TMEM120B: variants seen among roughly 807,000 people sequenced by gnomAD.
The protein encoded by TMEM120B is transmembrane protein 120B.
In TMEM120B, 31 loss-of-function variants were observed where a neutral mutation model predicts 55.5. The ratio of observed to expected loss-of-function variants is 0.56; its 90% CI spans 0.42 to 0.75. TMEM120B has a LOEUF of 0.75. Among genes scored for constraint, TMEM120B ranks in the 30% least tolerant of loss-of-function variants. TMEM120B has a pLI of 0.00. For missense variants in TMEM120B, 399 were observed against 425.5 expected (o/e 0.94, Z 0.55); for synonymous variants, 203 against 176.3 (o/e 1.15, Z -1.20).
At chr12:121,763,546 G>C (rs772383735) in intron 6 of TMEM120B, among the ~76,000 whole-genome samples, 1 of 152,134 alleles carries the variant, frequency 6.6e-6, no homozygotes, top group African/African-American at 2.4e-5. Flanking sequence ...CAGTTGAAGC[G>C]ATTCTTCTGT....
chr12:121,721,631 C>T (rs1894790187), intron 1 of TMEM120B, among the ~76,000 whole-genome samples: 1 of 151,698 alleles, frequency 6.6e-6, no homozygotes, highest in African/African-American at 2.4e-5. Flanking sequence ...ACCACCACGC[C>T]CAGCTAATTT....
intron 5 of TMEM120B, among the ~76,000 whole-genome samples, chr12:121,754,711 C>A (rs767910754): frequency 6.6e-6 from 1 of 152,330 alleles, no homozygotes; most frequent in African/African-American, 2.4e-5. Flanking sequence ...AGTATGACCT[C>A]ATTTGAACTA....
chr12:121,737,167 C>T (rs1895131883), intron 1 of TMEM120B, among the ~76,000 whole-genome samples: 1 of 152,076 alleles, frequency 6.6e-6, no homozygotes, highest in Non-Finnish European at 1.5e-5. Flanking sequence ...GAGGCACTGC[C>T]TCTCTATGTG....
chr12:121,736,119 A>G (rs2137079005), intron 1 of TMEM120B, among the ~76,000 whole-genome samples: 1 of 152,204 alleles, frequency 6.6e-6, no homozygotes, highest in South Asian at 2.1e-4. Context: ...AAGCTTACCT[A>G]GCTTCAGCAA....
At chr12:121,772,138 T>C (rs1437373799) in intron 8 of TMEM120B, among the ~76,000 whole-genome samples, 1 of 151,736 alleles carries the variant, frequency 6.6e-6, no homozygotes, top group East Asian at 1.9e-4. Flanking sequence ...TCTCTTTCTT[T>C]CTTTCTTTCT....
chr12:121,750,917 A>C (rs1592938370), intron 4 of TMEM120B, among the ~76,000 whole-genome samples: 3 of 34,086 alleles, frequency 8.8e-5, no homozygotes, highest in African/African-American at 1.1e-4. Flanking sequence ...CCCACACCCC[A>C]CACCCACACC....
At chr12:121,769,923 A>T (rs1265317405) in intron 6 of TMEM120B, among the ~76,000 whole-genome samples, 1 of 152,064 alleles carries the variant, frequency 6.6e-6, no homozygotes, top group African/African-American at 2.4e-5. Flanking sequence ...GAAGGAGGTG[A>T]AGTGGGGCAG....
At chr12:121,767,819 T>C (rs1236533749) in intron 6 of TMEM120B, among the ~76,000 whole-genome samples, 1 of 152,192 alleles carries the variant, frequency 6.6e-6, no homozygotes, top group Non-Finnish European at 1.5e-5. Context: ...AGAGCTGGGC[T>C]CTGGGCACGG....
At chr12:121,751,011 C>T (rs2137200719) in intron 4 of TMEM120B, among the ~76,000 whole-genome samples, 2 of 78,476 alleles carry the variant, frequency 2.5e-5, no homozygotes, top group East Asian at 5.1e-4. Flanking sequence ...CATATTCACA[C>T]CCCACACCCA....
chr12:121,746,290 C>A lies in TMEM120B; in HGVS notation c.189-2036C>A, dbSNP rs145385958. Among the ~76,000 whole-genome samples, 192 of 149,332 alleles carry A rather than the reference C, an allele frequency of 1.3e-3. 1 individual carries two copies. The East Asian group carries it at 0.034, about 27-fold the overall frequency. On this transcript the variant is annotated intron_variant, in intron 2 of 11. Transcript: ENST00000449592. ...GCAACCTCTGCCTCCCGGGTTCAAG[C>A]GATTCTCCTGCCTCAGCCTCCCGAG...
chr12:121,727,364 C>T (rs946408581), intron 1 of TMEM120B, among the ~76,000 whole-genome samples: 2 of 150,932 alleles, frequency 1.3e-5, no homozygotes, highest in Non-Finnish European at 3.0e-5. Context: ...AATGAGACCC[C>T]GTCTCTGCAA....
chr12:121,720,241 G>A (rs867726141), intron 1 of TMEM120B, among the ~76,000 whole-genome samples: 4 of 152,062 alleles, frequency 2.6e-5, no homozygotes, highest in Non-Finnish European at 5.9e-5. Flanking sequence ...CCCACTTACC[G>A]CTCCCGTAAC....
At chr12:121,757,932 C>T (rs1207148959) in intron 5 of TMEM120B, among the ~76,000 whole-genome samples, 2 of 152,200 alleles carry the variant, frequency 1.3e-5, no homozygotes, top group South Asian at 2.1e-4. Flanking sequence ...GAATTATAGG[C>T]GCAAGCCACT....
At chr12:121,771,143 G>A (rs1052243050) in intron 7 of TMEM120B, among the ~76,000 whole-genome samples, 171 bp downstream of exon 7, 5 of 151,164 alleles carry the variant, frequency 3.3e-5, no homozygotes, top group South Asian at 2.2e-4. Flanking sequence ...CACCCAGCCC[G>A]TGAGGGGTTC....
At chr12:121,716,370 G>A (rs568777557) in intron 1 of TMEM120B, among the ~76,000 whole-genome samples, 1 of 151,472 alleles carries the variant, frequency 6.6e-6, no homozygotes, top group South Asian at 2.1e-4. Context: ...AGGTAGGTGG[G>A]CACACTGAAC....
At chr12:121,727,275 C>T (rs964170612) in intron 1 of TMEM120B, among the ~76,000 whole-genome samples, 3 of 152,004 alleles carry the variant, frequency 2.0e-5, no homozygotes, top group Non-Finnish European at 2.9e-5. Context: ...ATGGCTCATG[C>T]CTGTCATCCC....
At chr12:121,721,804 C>CT (rs56702857) in intron 1 of TMEM120B, among the ~76,000 whole-genome samples, 3,773 of 91,754 alleles carry the variant, frequency 0.041, 411 homozygotes, top group African/African-American at 0.15. Flanking sequence ...ATCAGTTCTA[C>CT]TTTTTTTTTT....
Position 121,781,005 on chromosome 12 carries a change from C to G in TMEM120B, c.*5283C>G. On this transcript the variant is annotated 3_prime_UTR_variant, in exon 12 of 12. Coordinates refer to ENST00000449592, the MANE Select transcript of TMEM120B (RefSeq NM_001080825.2). The stretch of plus-strand genomic sequence containing the variant: ...GCAGAAATGCGTGACCTCAGGGAAC[C>G]ACTGTGGAGGGAGGAGGCGGGATCA... The G allele has an allele frequency of 1.2e-6, 2 of 1,613,476 alleles. No individual in the cohort carries two copies. Among genetic ancestry groups the G allele is most frequent in the Non-Finnish European group, 1.7e-6 (2 of 1,179,582 alleles).
chr12:121,758,823 G>GAAA (rs1873571527), intron 5 of TMEM120B: 1 of 982,648 alleles, frequency 1.0e-6, no homozygotes, highest in Non-Finnish European at 1.2e-6. Context: ...CATGGAGGAG[G>GAAA]ACGGCCTAGC....
Sources: gnomAD v4.1 joint callset for allele counts (sites outside exome capture counted in the v4.1 genomes callset) on GRCh38, gnomAD v4.1.1 for gene constraint, MANE v1.5 for transcripts, NCBI Gene and HGNC (gene_info 2026-07-23, HGNC 2026-07-21) for gene names.